DENND2A: variants seen among roughly 807,000 people sequenced by gnomAD.
DENND2A encodes the protein DENN domain-containing protein 2A.
Under a neutral mutation model 105.3 loss-of-function variants are expected in DENND2A, and 53 were observed. The ratio of observed to expected loss-of-function variants is 0.50; its 90% CI spans 0.40 to 0.63. The LOEUF (loss-of-function observed/expected upper bound fraction) is 0.63, where lower values mean the gene tolerates loss of function less well. Ranked by LOEUF, DENND2A falls within the 30% of genes least tolerant of loss-of-function variation. The pLI is 0.00. For synonymous variants in DENND2A, 522 were observed against 508.4 expected, an observed-to-expected ratio of 1.03 and a Z score of -0.36; for missense variants, 1,138 against 1,279.6, an observed-to-expected ratio of 0.89 and a Z score of 1.69.
chr7:140,592,503 G>A lies in DENND2A; in HGVS notation c.996-4723C>T, dbSNP rs140399161. On this transcript the variant is annotated intron_variant, in intron 3 of 19. Transcript: ENST00000496613. Reference sequence around the variant, plus strand: ...TGGGATTACAGGTGAGAGCCACCACGCCCAGCTAATTTTTCGTTTTTAGTA... The same window carrying A: ...TGGGATTACAGGTGAGAGCCACCACACCCAGCTAATTTTTCGTTTTTAGTA... Among the ~76,000 whole-genome samples the A allele has an allele frequency of 6.1e-3, 920 of 152,008 alleles. 6 individuals are homozygous for A. The highest frequency in any genetic ancestry group is 0.02 in the African/African-American group (848 of 41,452).
chr7:140,610,734 C>A (rs1380281440), intron 1 of DENND2A, among the ~76,000 whole-genome samples: 1 of 152,134 alleles, frequency 6.6e-6, no homozygotes, highest in African/African-American at 2.4e-5. Flanking sequence ...AAGATCAGGT[C>A]CCAAGGGCAG....
intron 13 of DENND2A, among the ~76,000 whole-genome samples, chr7:140,545,550 C>T (rs1283227638): frequency 6.6e-6 from 1 of 152,130 alleles, no homozygotes; most frequent in Admixed American, 6.6e-5. Flanking sequence ...AGGGTTCCAC[C>T]ATGTTGGCCA....
At chr7:140,529,392 C>T (rs1796175414) in intron 14 of DENND2A, among the ~76,000 whole-genome samples, 1 of 152,294 alleles carries the variant, frequency 6.6e-6, no homozygotes, top group Middle Eastern at 3.4e-3. Flanking sequence ...TGTGGCGATT[C>T]CTCAAGGATC....
At chr7:140,591,132 A>G (rs1192261652) in intron 3 of DENND2A, among the ~76,000 whole-genome samples, 1 of 151,716 alleles carries the variant, frequency 6.6e-6, no homozygotes, top group East Asian at 2.0e-4. Context: ...CCCTGTCTCT[A>G]TAAAAGATAC....
chr7:140,518,802 C>A, intron 19 of DENND2A, 64 bp from the exon 20 acceptor site: 1 of 1,559,046 alleles, frequency 6.4e-7, no homozygotes, highest in South Asian at 1.1e-5. Context: ...TAAATCTTGC[C>A]CTTTCCACCC....
chr7:140,567,387 GAATTGTGCCGAGCTGC>G lies in DENND2A; in HGVS notation c.1592-130_1592-115del, dbSNP rs544697216. 1.3e-3 allele frequency: 1,211 copies of G among 924,022 alleles called. 7 individuals carry two copies. The highest frequency in any genetic ancestry group is 6.4e-4 in the Non-Finnish European group (408 of 639,148). The allele number at this position is 924,022 out of a possible 1,614,324, so 57.2% of individuals were successfully genotyped here. ...CCTGAAATGACCATGAGTCCATGTG[GAATTGTGCCGAGCTGC>G]AATAGGTTATGTAATTATCAGCTCA... On this transcript the variant is annotated intron_variant, in intron 8 of 19. Transcript: ENST00000496613.
intron 13 of DENND2A, 49 bp downstream of exon 13, chr7:140,546,750 G>C: frequency 1.9e-6 from 3 of 1,606,824 alleles, no homozygotes; most frequent in Non-Finnish European, 1.7e-6. Context: ...AGACTCGGCT[G>C]TCTGGGCCAC....
chr7:140,625,434 C>T (rs1329299370), intron 1 of DENND2A, among the ~76,000 whole-genome samples: 1 of 151,934 alleles, frequency 6.6e-6, no homozygotes, highest in Non-Finnish European at 1.5e-5. Flanking sequence ...AATCCCGGCA[C>T]TTTGGGAGGC....
chr7:140,601,467 GA>G lies in DENND2A; in HGVS notation c.930del (p.Pro312HisfsTer5), dbSNP rs1334095449. 1.2e-6 allele frequency: 2 copies of G among 1,613,872 alleles called. No homozygotes were observed. Among genetic ancestry groups the G allele is most frequent in the Non-Finnish European group, 1.7e-6 (2 of 1,179,956 alleles). Reference sequence around the variant, plus strand: ...CTTCTGTTCACAGAGGAAGGTGGGGGAGAGGAGGGCAGAGGCGGGGGAGGTA... The same window carrying G: ...CTTCTGTTCACAGAGGAAGGTGGGGGGAGGAGGGCAGAGGCGGGGGAGGTA... ...PSLPPPPLPS[S>X]PPPSSVNRRL... is the part of the protein sequence containing the mutation. On this transcript the variant is annotated frameshift_variant, in exon 3 of 20. Transcript: ENST00000496613. LOFTEE classifies it high-confidence loss of function.
chr7:140,537,558 C>T (rs571335135), intron 14 of DENND2A, among the ~76,000 whole-genome samples: 4 of 152,286 alleles, frequency 2.6e-5, no homozygotes, highest in Admixed American at 6.5e-5. Context: ...CCTTCCACCT[C>T]AGCCTCCTGA....
In DENND2A at chr7:140,525,787, A is replaced by G. The variant is rs542592596; in HGVS notation, c.2511T>C (p.Leu837=). 6.2e-7 allele frequency: 1 copy of G among 1,602,994 alleles called. No individual in the cohort carries two copies. The highest frequency in any genetic ancestry group is 1.1e-5 in the South Asian group (1 of 88,746). The change falls in exon 16 of 20, where the codon CTT becomes CTC. Residue 837 remains leucine, a synonymous_variant. Coordinates refer to ENST00000496613, the MANE Select transcript of DENND2A (RefSeq NM_015689.5). ...LLRELPLEEV[L]VVDLVNSRFL... ...ACCGGCTGTTGACGAGGTCAACCAC[A>G]AGGACCTATGAGATGAGACGAAAGG...
chr7:140,583,506 C>T (rs76515807), intron 5 of DENND2A, among the ~76,000 whole-genome samples: 1 of 149,944 alleles, frequency 6.7e-6, no homozygotes, highest in Non-Finnish European at 1.5e-5. Context: ...AAAATGACCT[C>T]GCTGGTTGGC....
chr7:140,569,916 C>T (rs1798024717), intron 6 of DENND2A, among the ~76,000 whole-genome samples, 178 bp from the exon 7 acceptor site: 1 of 151,386 alleles, frequency 6.6e-6, no homozygotes, highest in Non-Finnish European at 1.5e-5. Flanking sequence ...TTTTTTGAGG[C>T]AGAGTTTCGC....
chr7:140,519,845 T>G (rs932581079), intron 18 of DENND2A, 127 bp from the exon 19 acceptor site: 2 of 804,442 alleles, frequency 2.5e-6, no homozygotes, highest in Non-Finnish European at 4.2e-6. Context: ...ATAAACATGC[T>G]CTGAATCAGG....
At chr7:140,550,012 G>A (rs1218591492) in intron 12 of DENND2A, among the ~76,000 whole-genome samples, 2 of 151,998 alleles carry the variant, frequency 1.3e-5, no homozygotes, top group African/African-American at 2.4e-5. Flanking sequence ...TAAGTGAATC[G>A]AAGCCAGTCA....
At chr7:140,547,873 T>C (rs538900167) in intron 12 of DENND2A, among the ~76,000 whole-genome samples, 50 of 152,176 alleles carry the variant, frequency 3.3e-4, no homozygotes, top group Non-Finnish European at 6.5e-4. Flanking sequence ...AAGAAGCTAG[T>C]CATAAAAGGC....
intron 3 of DENND2A, among the ~76,000 whole-genome samples, 165 bp from the exon 4 acceptor site, chr7:140,587,945 C>T (rs572390298): frequency 3.3e-5 from 5 of 152,288 alleles, no homozygotes; most frequent in Admixed American, 2.6e-4. Flanking sequence ...AAGTCTTGCT[C>T]CGTTGCCCAG....
chr7:140,581,372 A>C (rs566430090), intron 5 of DENND2A, among the ~76,000 whole-genome samples: 1 of 152,372 alleles, frequency 6.6e-6, no homozygotes, highest in South Asian at 2.1e-4. Context: ...CCGCAGCTAC[A>C]CATTGGTCCT....
At chr7:140,617,705 C>A (rs1800135678) in intron 1 of DENND2A, among the ~76,000 whole-genome samples, 2 of 152,208 alleles carry the variant, frequency 1.3e-5, no homozygotes, top group Admixed American at 1.3e-4. Context: ...CAGAGTGAGA[C>A]CCTGTCTCAA....
Sources: gnomAD v4.1 joint callset for allele counts (sites outside exome capture counted in the v4.1 genomes callset) on GRCh38, gnomAD v4.1.1 for gene constraint, MANE v1.5 for transcripts, NCBI Gene and HGNC (gene_info 2026-07-23, HGNC 2026-07-21) for gene names.